HDAC8: variants seen among roughly 807,000 people sequenced by gnomAD.
HDAC8 encodes histone deacetylase-like 1.
Under a neutral mutation model 32.2 loss-of-function variants are expected in HDAC8, and 1 was observed. That is an observed-to-expected ratio of 0.03 (90% CI 0.01 to 0.15). The LOEUF is 0.15. HDAC8 is among the 10% of genes least tolerant of loss of function. The probability of loss-of-function intolerance (pLI) is 1.00; values close to 1 mark genes in which losing one functional copy is unlikely to be tolerated. For synonymous variants in HDAC8, 108 were observed against 113.9 expected (o/e 0.95, Z 0.33); for missense variants, 117 against 300.0 (o/e 0.39, Z 4.51).
At chrX:72,434,095 A>C (rs2046889438) in intron 9 of HDAC8, among the ~76,000 whole-genome samples, 1 of 112,079 alleles carries the variant, frequency 8.9e-6, no homozygotes, top group Non-Finnish European at 1.9e-5. Flanking sequence ...TATTCCTTAA[A>C]CCAAAATCCC....
chrX:72,499,695 A>C (rs2049143242), intron 4 of HDAC8, among the ~76,000 whole-genome samples: 1 of 111,875 alleles, frequency 8.9e-6, no homozygotes, highest in East Asian at 2.8e-4. Flanking sequence ...AAAAGGTAGA[A>C]AGATCTCAAA....
At chrX:72,364,359 G>C (rs1338551161) in intron 9 of HDAC8, among the ~76,000 whole-genome samples, 1 of 111,213 alleles carries the variant, frequency 9.0e-6, no homozygotes, top group African/African-American at 3.3e-5. Context: ...GCCCTCTGTT[G>C]GTGTTGTAAT....
chrX:72,543,323 C>T (rs188752002), intron 4 of HDAC8, among the ~76,000 whole-genome samples: 36 of 111,008 alleles, frequency 3.2e-4, no homozygotes, highest in African/African-American at 1.2e-3. Flanking sequence ...GGGAGGAGAA[C>T]CAATGTGTTA....
At chrX:72,340,813 A>G (rs2043869133) in intron 10 of HDAC8, among the ~76,000 whole-genome samples, 1 of 111,892 alleles carries the variant, frequency 8.9e-6, no homozygotes, top group South Asian at 3.7e-4. Flanking sequence ...AATGGTCCCA[A>G]AGACCTTTAC....
chrX:72,472,347 G>T (rs782544151), intron 7 of HDAC8, among the ~76,000 whole-genome samples: 2 of 111,761 alleles, frequency 1.8e-5, no homozygotes, highest in Admixed American at 1.9e-4. Context: ...GATTACAGGC[G>T]TGAGCCACCG....
intron 9 of HDAC8, among the ~76,000 whole-genome samples, chrX:72,455,835 G>A (rs1029292275): frequency 1.8e-5 from 2 of 111,666 alleles, no homozygotes; most frequent in Non-Finnish European, 3.8e-5. Context: ...TAACCAATAT[G>A]TATAAGATGG....
At chrX:72,474,011 A>C in intron 7 of HDAC8, 4 of 622,837 alleles carry the variant, frequency 6.4e-6, no homozygotes, top group Non-Finnish European at 7.7e-6. Flanking sequence ...GTCTCTCCCA[A>C]CTTTGATCTT....
intron 4 of HDAC8, among the ~76,000 whole-genome samples, chrX:72,525,878 G>T (rs2050137680): frequency 1.9e-5 from 2 of 106,033 alleles, no homozygotes; most frequent in South Asian, 8.8e-4. Context: ...GTTCTAGGAG[G>T]GGGAATCACA....
At chrX:72,368,176 C>G (rs1171912629) in intron 9 of HDAC8, among the ~76,000 whole-genome samples, 1 of 111,657 alleles carries the variant, frequency 9.0e-6, no homozygotes, top group Non-Finnish European at 1.9e-5. Context: ...CCTTCATGCT[C>G]TGTCACACCT....
chrX:72,498,367 T>C (rs1319900129), intron 4 of HDAC8, among the ~76,000 whole-genome samples: 1 of 111,638 alleles, frequency 9.0e-6, no homozygotes, highest in Non-Finnish European at 1.9e-5. Context: ...GTATGCTGTA[T>C]GGAACGTTTC....
intron 7 of HDAC8, among the ~76,000 whole-genome samples, chrX:72,473,013 C>T (rs1555998568): frequency 9.0e-6 from 1 of 111,551 alleles, no homozygotes; most frequent in Non-Finnish European, 1.9e-5. Context: ...TCTCTTCCCT[C>T]TCCAATCCTT....
intron 9 of HDAC8, among the ~76,000 whole-genome samples, chrX:72,457,550 T>C (rs2047753026): frequency 8.9e-6 from 1 of 112,391 alleles, no homozygotes; most frequent in East Asian, 2.8e-4. Flanking sequence ...TGTCCTTCAA[T>C]ATTCTGGCAA....
At chrX:72,488,837 C>A in intron 7 of HDAC8, 96 bp downstream of exon 7, 1 of 503,903 alleles carries the variant, frequency 2.0e-6, no homozygotes, top group South Asian at 4.7e-5. Context: ...TAGATGTTTT[C>A]TTTTTTACAT....
chrX:72,495,569 G>A (rs1347355145), intron 4 of HDAC8, among the ~76,000 whole-genome samples: 1 of 111,294 alleles, frequency 9.0e-6, no homozygotes, highest in Non-Finnish European at 1.9e-5. Flanking sequence ...CTGGATTTAG[G>A]AATCACTTCA....
At chrX:72,403,562 C>T (rs1027792957) in intron 9 of HDAC8, among the ~76,000 whole-genome samples, 4 of 112,653 alleles carry the variant, frequency 3.6e-5, no homozygotes, top group Non-Finnish European at 7.5e-5. Flanking sequence ...TGTGGTGGCT[C>T]ATGCCTGTAA....
At chrX:72,453,524 A>AAAGAAAGAAAG (rs782366543) in intron 9 of HDAC8, among the ~76,000 whole-genome samples, 8 of 99,732 alleles carry the variant, frequency 8.0e-5, no homozygotes, top group Non-Finnish European at 1.5e-4. Context: ...AAGAAAGAAA[A>AAAGAAAGAAAG]AGAAAGAAAA....
At chrX:72,388,125 G>C (rs1171600216) in intron 9 of HDAC8, among the ~76,000 whole-genome samples, 1 of 110,407 alleles carries the variant, frequency 9.1e-6, no homozygotes, top group Non-Finnish European at 1.9e-5. Flanking sequence ...ATAGCATAGT[G>C]GGAAAAATAG....
intron 7 of HDAC8, among the ~76,000 whole-genome samples, chrX:72,487,009 G>A (rs2048697443): frequency 9.0e-6 from 1 of 111,656 alleles, no homozygotes; most frequent in Admixed American, 9.5e-5. Flanking sequence ...GGCTTGCATT[G>A]CCAATGTGGG....
At chrX:72,481,487 C>T (rs782620893) in intron 7 of HDAC8, among the ~76,000 whole-genome samples, 8 of 111,609 alleles carry the variant, frequency 7.2e-5, no homozygotes, top group Admixed American at 2.9e-4. Context: ...AAATTTGTAT[C>T]GCTTAAAATA....
Sources: gnomAD v4.1 joint callset for allele counts (sites outside exome capture counted in the v4.1 genomes callset) on GRCh38, gnomAD v4.1.1 for gene constraint, MANE v1.5 for transcripts, NCBI Gene and HGNC (gene_info 2026-07-23, HGNC 2026-07-21) for gene names.